Variants in MAGI2 observed in about 807,000 individuals in gnomAD.
MAGI2 encodes membrane-associated guanylate kinase, WW and PDZ domain-containing protein 2.
A neutral mutation model predicts 133.3 loss-of-function variants in MAGI2; 35 were observed. The ratio of observed to expected loss-of-function variants is 0.26; its 90% confidence interval spans 0.20 to 0.35. MAGI2 has a LOEUF of 0.35. MAGI2 is among the 10% of genes least tolerant of loss of function. The pLI, the probability that MAGI2 is intolerant of heterozygous loss-of-function variation, is 1.00. For synonymous variants in MAGI2, 729 were observed against 710.6 expected, an observed-to-expected ratio of 1.03 and a Z score of -0.41; for missense variants, 1,636 against 1,863.4, an observed-to-expected ratio of 0.88 and a Z score of 2.25.
chr7:78,599,187 T>C (rs1187050290), intron 3 of MAGI2, among the ~76,000 whole-genome samples: 1 of 152,174 alleles, frequency 6.6e-6, no homozygotes, highest in African/African-American at 2.4e-5. Context: ...GGCTTCCACA[T>C]GACCATTCCA....
chr7:79,396,112 G>C (rs1293793367), intron 1 of MAGI2, among the ~76,000 whole-genome samples: 1 of 152,060 alleles, frequency 6.6e-6, no homozygotes, highest in Non-Finnish European at 1.5e-5. Flanking sequence ...TAGACTGCTA[G>C]CATTCACCAA....
At chr7:78,302,556 G>T (rs902915065) in intron 9 of MAGI2, among the ~76,000 whole-genome samples, 1 of 152,028 alleles carries the variant, frequency 6.6e-6, no homozygotes, top group African/African-American at 2.4e-5. Flanking sequence ...AAACCACCTG[G>T]TTTACTTTAT....
intron 9 of MAGI2, among the ~76,000 whole-genome samples, chr7:78,293,594 C>G (rs1205412458): frequency 6.6e-6 from 1 of 152,158 alleles, no homozygotes; most frequent in East Asian, 1.9e-4. Flanking sequence ...GGTATATACC[C>G]AAAGGATTAT....
intron 10 of MAGI2, among the ~76,000 whole-genome samples, chr7:78,245,088 C>G (rs188180214): frequency 6.6e-6 from 1 of 152,146 alleles, no homozygotes; most frequent in Admixed American, 6.5e-5. Flanking sequence ...GGAGGCAAAG[C>G]GATTGTTATT....
chr7:79,038,092 T>C (rs1174021546), intron 1 of MAGI2, among the ~76,000 whole-genome samples: 2 of 152,208 alleles, frequency 1.3e-5, no homozygotes, highest in African/African-American at 4.8e-5. Context: ...ATGACAACTG[T>C]CTAGATTGAT....
chr7:78,937,503 G>C (rs1304002188), intron 2 of MAGI2, among the ~76,000 whole-genome samples: 3 of 152,074 alleles, frequency 2.0e-5, no homozygotes, highest in African/African-American at 7.2e-5. Context: ...CAGTCTCCAA[G>C]TGTTTTTCCA....
intron 3 of MAGI2, among the ~76,000 whole-genome samples, chr7:78,561,750 T>A (rs1435645450): frequency 6.6e-6 from 1 of 152,102 alleles, no homozygotes; most frequent in Non-Finnish European, 1.5e-5. Flanking sequence ...AAAGAGGTCA[T>A]TGTCTGAATT....
intron 3 of MAGI2, among the ~76,000 whole-genome samples, chr7:78,606,206 A>G (rs1336204517): frequency 6.6e-6 from 1 of 152,040 alleles, no homozygotes; most frequent in Non-Finnish European, 1.5e-5. Context: ...GTTGAATTTT[A>G]GTTTGTTTTT....
At chr7:79,053,101 T>A (rs568925959) in intron 1 of MAGI2, among the ~76,000 whole-genome samples, 1 of 152,058 alleles carries the variant, frequency 6.6e-6, no homozygotes, top group South Asian at 2.1e-4. Context: ...GCCTCCCGAG[T>A]AGCTGGGACT....
chr7:78,213,155 C>A (rs1261251322), intron 10 of MAGI2, among the ~76,000 whole-genome samples: 1 of 145,204 alleles, frequency 6.9e-6, no homozygotes, highest in Non-Finnish European at 1.5e-5. Flanking sequence ...TCAATTCTTC[C>A]TGGACTATAG....
At chr7:78,792,715 G>A (rs557571492) in intron 2 of MAGI2, among the ~76,000 whole-genome samples, 1 of 152,190 alleles carries the variant, frequency 6.6e-6, no homozygotes, top group Non-Finnish European at 1.5e-5. Context: ...GATTGCACAA[G>A]TGTAAGTGGT....
At position 78,369,139 on chromosome 7, in the gene MAGI2, C is replaced by A; in HGVS notation, c.1103+17G>T. ...CAACATATTAATAACAAGTTAATAT[C>A]ACACTTAGAGACTTACTCAACATAA... On this transcript the variant is annotated intron_variant, in intron 7 of 21. Transcript: ENST00000354212. 1.3e-6 allele frequency: 2 copies of A among 1,556,534 alleles called. No individual in the cohort carries two copies. Among genetic ancestry groups the A allele is most frequent in the East Asian group, 2.3e-5 (1 of 43,988 alleles).
intron 2 of MAGI2, among the ~76,000 whole-genome samples, chr7:78,729,804 GAGAAT>G (rs1248210857): frequency 6.6e-6 from 1 of 152,180 alleles, no homozygotes; most frequent in African/African-American, 2.4e-5. Flanking sequence ...TCTTTTATAG[GAGAAT>G]ATAATGTTTT....
intron 1 of MAGI2, among the ~76,000 whole-genome samples, chr7:79,094,106 G>C (rs1488872071): frequency 6.6e-6 from 1 of 152,212 alleles, no homozygotes; most frequent in Admixed American, 6.5e-5. Flanking sequence ...AAATTTGATA[G>C]TTCCCACAGA....
chr7:79,413,980 C>T (rs778523627), intron 1 of MAGI2: 13 of 152,076 alleles, frequency 8.5e-5, no homozygotes, highest in Admixed American at 5.9e-4. Flanking sequence ...ATCAAGGAAA[C>T]CCAGGGAGAG....
intron 6 of MAGI2, among the ~76,000 whole-genome samples, chr7:78,422,700 A>C (rs1798911822): frequency 6.6e-6 from 1 of 152,224 alleles, no homozygotes; most frequent in South Asian, 2.1e-4. Context: ...AGGGAGTAGA[A>C]ATAAGATTAA....
intron 1 of MAGI2, among the ~76,000 whole-genome samples, chr7:79,315,675 G>T (rs1397513351): frequency 6.6e-6 from 1 of 152,118 alleles, no homozygotes; most frequent in Non-Finnish European, 1.5e-5. Flanking sequence ...ATGCCCACAG[G>T]AATGTATTGA....
intron 1 of MAGI2, among the ~76,000 whole-genome samples, chr7:79,235,758 G>C (rs963949264): frequency 3.9e-5 from 6 of 152,200 alleles, no homozygotes; most frequent in Non-Finnish European, 2.9e-5. Context: ...CGTCTTCTGC[G>C]TCGCTCACGC....
intron 2 of MAGI2, among the ~76,000 whole-genome samples, chr7:78,949,116 G>A (rs1363788946): frequency 6.6e-6 from 1 of 152,096 alleles, no homozygotes; most frequent in African/African-American, 2.4e-5. Flanking sequence ...TATTGTGAAA[G>A]CAACATTCTG....
Sources: allele counts gnomAD v4.1 joint callset (sites outside exome capture counted in the v4.1 genomes callset), GRCh38; gene constraint gnomAD v4.1.1; transcripts MANE v1.5; gene names NCBI Gene and HGNC (gene_info 2026-07-23, HGNC 2026-07-21).